The following STAU2 variants were observed in gnomAD, a reference collection of about 807,000 sequenced individuals.
STAU2 encodes the protein staufen double-stranded RNA binding protein 2.
Under a neutral mutation model 65.9 loss-of-function variants are expected in STAU2, and 20 were observed. The observed-to-expected ratio is 0.30, with a 90% CI of 0.21 to 0.44. The LOEUF is 0.44. Ranked by LOEUF, STAU2 falls within the 20% of genes least tolerant of loss-of-function variation. The pLI is 1.00. For missense variants in STAU2, 558 were observed against 683.9 expected (o/e 0.82, Z 2.05); for synonymous variants, 232 against 233.9 (o/e 0.99, Z 0.07).
chr8:73,701,008 A>T (rs1820058881), intron 4 of STAU2, among the ~76,000 whole-genome samples: 1 of 152,188 alleles, frequency 6.6e-6, no homozygotes, highest in Non-Finnish European at 1.5e-5. Context: ...AGTGTCAAGA[A>T]CATACACTGG....
At chr8:73,495,247 T>A (rs1229247809) in intron 13 of STAU2, among the ~76,000 whole-genome samples, 1 of 151,642 alleles carries the variant, frequency 6.6e-6, no homozygotes, top group East Asian at 1.9e-4. Context: ...TCTCCAAAGG[T>A]ATTTGGTACT....
chr8:73,506,592 T>A (rs1178959229), intron 13 of STAU2, among the ~76,000 whole-genome samples: 1 of 152,084 alleles, frequency 6.6e-6, no homozygotes, highest in Non-Finnish European at 1.5e-5. Context: ...TGGTGGAGGG[T>A]CTTGCATCAG....
intron 13 of STAU2, among the ~76,000 whole-genome samples, chr8:73,480,834 C>T (rs80041513): frequency 0.012 from 1,807 of 152,156 alleles, 42 homozygotes; most frequent in African/African-American, 0.041. Context: ...TTACTTCCAA[C>T]AAAGAATGAA....
intron 13 of STAU2, among the ~76,000 whole-genome samples, chr8:73,445,090 C>A (rs544490306): frequency 6.6e-6 from 1 of 152,196 alleles, no homozygotes; most frequent in Non-Finnish European, 1.5e-5. Flanking sequence ...AAACTCGAAC[C>A]AGACGTCCTT....
intron 6 of STAU2, among the ~76,000 whole-genome samples, chr8:73,639,656 T>G: frequency 6.6e-6 from 1 of 152,134 alleles, no homozygotes; most frequent in South Asian, 2.1e-4. Context: ...CCGTAGAGGC[T>G]CCTACATATT....
At chr8:73,570,462 A>G (rs915385742) in intron 12 of STAU2, among the ~76,000 whole-genome samples, 1 of 152,170 alleles carries the variant, frequency 6.6e-6, no homozygotes, top group Non-Finnish European at 1.5e-5. Flanking sequence ...AATAGACCAA[A>G]TCTACGTCTG....
chr8:73,706,029 A>G (rs911385778), intron 4 of STAU2, among the ~76,000 whole-genome samples: 1 of 152,254 alleles, frequency 6.6e-6, no homozygotes, highest in African/African-American at 2.4e-5. Context: ...AATGATTCCA[A>G]TTAACAGCCA....
chr8:73,502,083 T>A (rs975367316), intron 13 of STAU2, among the ~76,000 whole-genome samples: 1 of 151,812 alleles, frequency 6.6e-6, no homozygotes, highest in African/African-American at 2.4e-5. Context: ...AAAATTGGAT[T>A]TTTTTTATGG....
At chr8:73,619,981 T>G (rs1813107959) in intron 6 of STAU2, among the ~76,000 whole-genome samples, 1 of 152,224 alleles carries the variant, frequency 6.6e-6, no homozygotes, top group Non-Finnish European at 1.5e-5. Context: ...AAACAAAGAT[T>G]AAAAAGCATT....
chr8:73,492,503 T>C (rs939928820), intron 13 of STAU2, among the ~76,000 whole-genome samples: 2 of 151,828 alleles, frequency 1.3e-5, no homozygotes, highest in Non-Finnish European at 2.9e-5. Flanking sequence ...TGAAAATACT[T>C]TCTACATGAT....
chr8:73,669,008 C>T (rs1371935330), intron 6 of STAU2: 1 of 698,480 alleles, frequency 1.4e-6, no homozygotes, highest in Non-Finnish European at 2.6e-6. Flanking sequence ...CCTTTCATTC[C>T]CTGCCTTAAG....
At chr8:73,593,163 C>A (rs1311534986) in intron 11 of STAU2, among the ~76,000 whole-genome samples, 1 of 152,166 alleles carries the variant, frequency 6.6e-6, no homozygotes, top group Non-Finnish European at 1.5e-5. Flanking sequence ...CCCTCAATAT[C>A]TCTCACCTAA....
In STAU2 at chr8:73,729,804, T is replaced by C. The variant is rs190992729; in HGVS notation, c.-18+8480A>G. 2.0e-5 allele frequency among the ~76,000 whole-genome samples: 3 copies of C among 152,364 alleles called. No individual in the cohort carries two copies. The East Asian group carries it at 5.8e-4, about 29-fold the overall frequency. On this transcript the variant is annotated intron_variant, in intron 3 of 14. Transcript: ENST00000524300. ...TTTCTAAAACTGTGTCCATTTCATGTAGGTTATCTAATCTGTGCATAAAAT... is the reference window on the plus strand; with the variant it reads ...TTTCTAAAACTGTGTCCATTTCATGCAGGTTATCTAATCTGTGCATAAAAT...
intron 13 of STAU2, among the ~76,000 whole-genome samples, chr8:73,527,074 A>C (rs1805499315): frequency 6.6e-6 from 1 of 152,224 alleles, no homozygotes; most frequent in Admixed American, 6.5e-5. Context: ...TTCTATGTTT[A>C]AATATACAGA....
chr8:73,731,200 C>T lies in STAU2; in HGVS notation c.-18+7084G>A, dbSNP rs996376581. Among the ~76,000 whole-genome samples, 5 of 152,304 alleles carry T rather than the reference C, an allele frequency of 3.3e-5. No individual in the cohort carries two copies. In the East Asian group the frequency reaches 9.6e-4, roughly 29 times the overall value. On this transcript the variant is annotated intron_variant, in intron 3 of 14. Coordinates refer to ENST00000524300, the MANE Select transcript of STAU2 (RefSeq NM_001164380.2). The stretch of plus-strand genomic sequence containing the variant: ...TACGAAATCAGAACTCAGCAAAAGA[C>T]TCCAGGAGAACCCTCTGGAGATCTC...
chr8:73,589,980 AGAG>A (rs1810648283), intron 11 of STAU2, among the ~76,000 whole-genome samples: 1 of 124,196 alleles, frequency 8.1e-6, no homozygotes, highest in African/African-American at 3.4e-5. Flanking sequence ...GGAAGAAGAA[AGAG>A]GAGGGAGGAG....
chr8:73,523,196 CAAAAA>C lies in STAU2; in HGVS notation c.1530+28811_1530+28815del, dbSNP rs763732188. Among the ~76,000 whole-genome samples the C allele has an allele frequency of 6.9e-4, 54 of 78,642 alleles. No homozygotes were observed. In the East Asian group the frequency reaches 0.011, roughly 17 times the overall value. 51.6% of individuals were successfully genotyped at this position (78,642 alleles called of 152,430 possible). A position where few individuals can be genotyped will look rare whatever the true frequency, so the allele number is the denominator to read the frequency against. On this transcript the variant is annotated intron_variant, in intron 13 of 14. Transcript: ENST00000524300. ...GGGTGACAGAGCAAGACTTTGTCTC[CAAAAA>C]AAAAAAAAAAAAAAAAAAGAAAAGT...
chr8:73,688,976 A>G (rs76094442), intron 4 of STAU2, among the ~76,000 whole-genome samples, 163 bp from the exon 5 acceptor site: 1,638 of 152,322 alleles, frequency 0.011, 27 homozygotes, highest in African/African-American at 0.037. Context: ...CTAGTGAAGA[A>G]ATTTTAAGAG....
chr8:73,487,649 T>C (rs536046487), intron 13 of STAU2, among the ~76,000 whole-genome samples: 5 of 152,182 alleles, frequency 3.3e-5, no homozygotes, highest in Non-Finnish European at 5.9e-5. Flanking sequence ...ATAAGGCATC[T>C]TGGGACATCT....
Sources: allele counts gnomAD v4.1 joint callset (sites outside exome capture counted in the v4.1 genomes callset), GRCh38; gene constraint gnomAD v4.1.1; transcripts MANE v1.5; gene names NCBI Gene and HGNC (gene_info 2026-07-23, HGNC 2026-07-21).